Variants in REC114 observed in about 807,000 individuals in gnomAD.
REC114 encodes REC114 meiotic recombination protein, also known as meiotic recombination protein REC114.
Under a neutral mutation model 31.3 loss-of-function variants are expected in REC114, and 27 were observed. The ratio of observed to expected loss-of-function variants is 0.86; its 90% CI spans 0.64 to 1.19. REC114 has a LOEUF of 1.19. REC114 is among the 50% of genes most tolerant of loss of function. REC114 has a pLI of 0.00. For synonymous variants in REC114, 134 were observed against 127.7 expected (o/e 1.05, Z -0.33); for missense variants, 344 against 326.9 (o/e 1.05, Z -0.40).
At chr15:73,455,538 A>T (rs538241385) in intron 1 of REC114, among the ~76,000 whole-genome samples, 2 of 152,198 alleles carry the variant, frequency 1.3e-5, no homozygotes, top group Non-Finnish European at 2.9e-5. Context: ...TAGTACAACA[A>T]GACTCCTAAG....
At chr15:73,551,278 C>G (rs1894389438) in intron 4 of REC114, 128 bp downstream of exon 4, 2 of 972,622 alleles carry the variant, frequency 2.1e-6, no homozygotes, top group African/African-American at 3.3e-5. Flanking sequence ...TGTTCGGTGA[C>G]TTTTTAAAAT....
chr15:73,495,903 A>T (rs1271616329), intron 2 of REC114, among the ~76,000 whole-genome samples: 1 of 152,198 alleles, frequency 6.6e-6, no homozygotes, highest in African/African-American at 2.4e-5. Context: ...TTAAATCTTT[A>T]ATATTTGGGA....
In REC114 at chr15:73,472,965, A is replaced by G. The variant is rs145697240; in HGVS notation, c.160-867A>G. Among the ~76,000 whole-genome samples the G allele has an allele frequency of 6.8e-3, 1,040 of 152,274 alleles. 11 individuals are homozygous for G. Among genetic ancestry groups the G allele is most frequent in the African/African-American group, 0.023 (970 of 41,546 alleles). On this transcript the variant is annotated intron_variant, in intron 1 of 5. Coordinates refer to ENST00000331090, the MANE Select transcript of REC114 (RefSeq NM_001042367.2). ...AAAAGTTAATGTGATTATAGGCAAT[A>G]GTATTGCAAGTAATGGGAAATAATT... is the stretch of plus-strand genomic sequence containing the variant.
chr15:73,549,940 C>T lies in REC114; in HGVS notation c.334-998C>T, dbSNP rs1566949850. Among the ~76,000 whole-genome samples the T allele has an allele frequency of 3.9e-5, 6 of 152,090 alleles. No individual in the cohort carries two copies. The South Asian group carries it at 1.2e-3, about 32-fold the overall frequency. ...AAATTATGAACAGGAAAATCAAGGACTATTTATTTGCTTATAGGAACTTAC... is the reference window on the plus strand; with the variant it reads ...AAATTATGAACAGGAAAATCAAGGATTATTTATTTGCTTATAGGAACTTAC... On this transcript the variant is annotated intron_variant, in intron 3 of 5. Coordinates refer to ENST00000331090, the MANE Select transcript of REC114 (RefSeq NM_001042367.2).
chr15:73,552,857 A>G (rs1313376494), intron 4 of REC114, among the ~76,000 whole-genome samples: 39 of 152,196 alleles, frequency 2.6e-4, no homozygotes, highest in Admixed American at 2.6e-3. Context: ...CTTGTTGCCC[A>G]GGCTGAAGTG....
chr15:73,521,422 AT>A (rs1044776043), intron 2 of REC114, among the ~76,000 whole-genome samples: 67 of 152,212 alleles, frequency 4.4e-4, no homozygotes, highest in African/African-American at 1.5e-3. Flanking sequence ...AAAATCAAGG[AT>A]TTAAACTTCT....
chr15:73,526,398 G>T (rs547702544), intron 2 of REC114, among the ~76,000 whole-genome samples: 4 of 151,364 alleles, frequency 2.6e-5, no homozygotes, highest in African/African-American at 7.3e-5. Flanking sequence ...CCCTCTTTTC[G>T]TTACTTTTGG....
chr15:73,517,242 G>A (rs1893870296), intron 2 of REC114, among the ~76,000 whole-genome samples: 1 of 152,268 alleles, frequency 6.6e-6, no homozygotes, highest in South Asian at 2.1e-4. Flanking sequence ...GAGAGAAATA[G>A]GAAGCTATTG....
At chr15:73,542,330 CA>C (rs749245201) in intron 3 of REC114, among the ~76,000 whole-genome samples, 3,961 of 49,708 alleles carry the variant, frequency 0.08, 213 homozygotes, top group African/African-American at 0.2. Context: ...GACTCTGTCT[CA>C]AAAAAAAAAA....
chr15:73,471,733 A>G (rs1024386426), intron 1 of REC114, among the ~76,000 whole-genome samples: 2 of 152,210 alleles, frequency 1.3e-5, no homozygotes, highest in Non-Finnish European at 2.9e-5. Flanking sequence ...TGTTCATAAC[A>G]GTATTATTTG....
chr15:73,510,647 C>T (rs1325725804), intron 2 of REC114, among the ~76,000 whole-genome samples: 334 of 145,694 alleles, frequency 2.3e-3, no homozygotes, highest in African/African-American at 8.5e-3. Flanking sequence ...GAGTTTTTAG[C>T]ATGAAGGGTT....
chr15:73,537,400 A>G (rs1360107684), intron 2 of REC114, among the ~76,000 whole-genome samples: 2 of 152,222 alleles, frequency 1.3e-5, no homozygotes, highest in Non-Finnish European at 2.9e-5. Context: ...AGCTCAACTA[A>G]GAGTTGCTGT....
At chr15:73,474,838 C>G (rs1268583496) in intron 2 of REC114, among the ~76,000 whole-genome samples, 2 of 152,152 alleles carry the variant, frequency 1.3e-5, no homozygotes, top group Non-Finnish European at 2.9e-5. Context: ...ATGGTAGGAT[C>G]TCACATGTGT....
intron 2 of REC114, among the ~76,000 whole-genome samples, chr15:73,488,025 G>A (rs1893395953): frequency 6.6e-6 from 1 of 152,166 alleles, no homozygotes; most frequent in Admixed American, 6.5e-5. Context: ...TGGAGTGGTG[G>A]CCAGAGCTGA....
At chr15:73,485,739 T>G (rs1893356459) in intron 2 of REC114, among the ~76,000 whole-genome samples, 1 of 152,178 alleles carries the variant, frequency 6.6e-6, no homozygotes, top group Non-Finnish European at 1.5e-5. Flanking sequence ...TGCAGAACTG[T>G]GATCTAGTTA....
At position 73,559,999 on chromosome 15, in the gene REC114, A is replaced by G. The variant is rs1434422701; in HGVS notation, c.*83A>G. 2.3e-6 allele frequency: 3 copies of G among 1,327,664 alleles called. No individual in the cohort carries two copies. Among genetic ancestry groups the G allele is most frequent in the Non-Finnish European group, 3.1e-6 (3 of 972,582 alleles). 82.2% of individuals were successfully genotyped at this position (1,327,664 alleles called of 1,614,324 possible). On this transcript the variant is annotated 3_prime_UTR_variant, in exon 6 of 6. Coordinates refer to ENST00000331090, the MANE Select transcript of REC114 (RefSeq NM_001042367.2). Reference sequence around the variant, plus strand: ...AAAATTAAAGAAGATATTAGAATAAAGAGTATTATCCAAACACCTTTTATC... The same window carrying G: ...AAAATTAAAGAAGATATTAGAATAAGGAGTATTATCCAAACACCTTTTATC...
At chr15:73,551,782 A>G (rs922924566) in intron 4 of REC114, among the ~76,000 whole-genome samples, 11 of 152,202 alleles carry the variant, frequency 7.2e-5, no homozygotes, top group Admixed American at 1.3e-4. Context: ...TTTTCTCAAA[A>G]ATCAGTGAAA....
At chr15:73,488,934 C>G (rs1314377133) in intron 2 of REC114, among the ~76,000 whole-genome samples, 3 of 152,160 alleles carry the variant, frequency 2.0e-5, no homozygotes, top group Non-Finnish European at 2.9e-5. Flanking sequence ...TTCTTGGTAC[C>G]AATTTCTGTC....
At chr15:73,497,204 C>G (rs944054136) in intron 2 of REC114, among the ~76,000 whole-genome samples, 8 of 152,138 alleles carry the variant, frequency 5.3e-5, no homozygotes, top group Non-Finnish European at 1.2e-4. Flanking sequence ...TCTCACAATA[C>G]TCTTGTCCAC....
Sources: gnomAD v4.1 joint callset for allele counts (sites outside exome capture counted in the v4.1 genomes callset) on GRCh38, gnomAD v4.1.1 for gene constraint, MANE v1.5 for transcripts, NCBI Gene and HGNC (gene_info 2026-07-23, HGNC 2026-07-21) for gene names.